Variants in SLC35F5 observed in about 807,000 individuals in gnomAD.
The protein encoded by SLC35F5 is HCV NS5A-transactivated protein 3.
In SLC35F5, 54 loss-of-function variants were observed where a neutral mutation model predicts 68.6. The observed-to-expected ratio is 0.79, with a 90% CI of 0.63 to 0.99. SLC35F5 has a LOEUF of 0.99. SLC35F5 is among the 50% of genes least tolerant of loss of function. SLC35F5 has a pLI of 0.00. For synonymous variants in SLC35F5, 211 were observed against 205.2 expected (o/e 1.03, Z -0.24); for missense variants, 567 against 626.9 (o/e 0.90, Z 1.02).
intron 4 of SLC35F5, among the ~76,000 whole-genome samples, chr2:113,748,082 ACTC>A: frequency 6.6e-6 from 1 of 152,288 alleles, no homozygotes; most frequent in East Asian, 1.9e-4. Flanking sequence ...AGAGAGTGAG[ACTC>A]TGTCTCAACA....
chr2:113,734,535 T>C (rs1488463338), intron 9 of SLC35F5, 51 bp downstream of exon 9: 2 of 1,039,600 alleles, frequency 1.9e-6, no homozygotes, highest in Admixed American at 4.4e-5. Context: ...TCAGAAATTG[T>C]AATATTGTAT....
intron 7 of SLC35F5, among the ~76,000 whole-genome samples, chr2:113,739,317 T>C (rs1688202733): frequency 6.6e-6 from 1 of 151,254 alleles, no homozygotes; most frequent in African/African-American, 2.5e-5. Flanking sequence ...TGTTGTGCTA[T>C]TGTTTTTCAA....
intron 13 of SLC35F5, among the ~76,000 whole-genome samples, chr2:113,721,913 T>G (rs1313555815): frequency 6.6e-6 from 1 of 151,012 alleles, no homozygotes; most frequent in Non-Finnish European, 1.5e-5. Flanking sequence ...TAAATATCAG[T>G]AAAGAATTAT....
At chr2:113,754,003 T>C (rs1000282417) in intron 3 of SLC35F5, among the ~76,000 whole-genome samples, 7 of 152,032 alleles carry the variant, frequency 4.6e-5, no homozygotes, top group African/African-American at 9.7e-5. Flanking sequence ...TAAAAACTTA[T>C]ATACTTGGCC....
chr2:113,756,247 A>T, intron 1 of SLC35F5, 123 bp downstream of exon 1: 2 of 1,536,506 alleles, frequency 1.3e-6, no homozygotes, highest in Non-Finnish European at 1.7e-6. Flanking sequence ...CCGCCCCTAG[A>T]GACCTTCACG....
chr2:113,736,023 C>T (rs1269522194), intron 7 of SLC35F5, among the ~76,000 whole-genome samples, 165 bp from the exon 8 acceptor site: 1 of 151,578 alleles, frequency 6.6e-6, no homozygotes, highest in Non-Finnish European at 1.5e-5. Context: ...AAAAGACAAA[C>T]ATTTATAATC....
downstream of SLC35F5, chr2:113,703,883 G>C (rs1223036978): frequency 1.3e-5 from 2 of 152,358 alleles, no homozygotes. Flanking sequence ...TCCGGACTCA[G>C]TGGGTTCTCG....
intron 10 of SLC35F5, 81 bp downstream of exon 10, chr2:113,731,503 T>G (rs946216745): frequency 1.9e-6 from 2 of 1,040,708 alleles, no homozygotes; most frequent in African/African-American, 3.2e-5. Flanking sequence ...CTACCCTTTG[T>G]GCGTTCATCT....
At chr2:113,722,942 T>G (rs1414020523) in intron 13 of SLC35F5, among the ~76,000 whole-genome samples, 162 bp downstream of exon 13, 2 of 152,244 alleles carry the variant, frequency 1.3e-5, no homozygotes, top group African/African-American at 4.8e-5. Flanking sequence ...TATCTATTTC[T>G]TCGGTACTTT....
intron 12 of SLC35F5, among the ~76,000 whole-genome samples, chr2:113,724,573 T>C (rs1410080930): frequency 1.3e-5 from 2 of 152,140 alleles, no homozygotes; most frequent in Non-Finnish European, 2.9e-5. Flanking sequence ...GACAGCACTG[T>C]AGGCAGAGCA....
At position 113,752,161 on chromosome 2, in the gene SLC35F5, G is replaced by A. The variant is rs1344189574; in HGVS notation, c.274-1593C>T. Among the ~76,000 whole-genome samples the A allele has an allele frequency of 1.2e-4, 18 of 148,788 alleles. No individual in the cohort carries two copies. The East Asian group carries it at 2.3e-3, about 19-fold the overall frequency. ...TGGGAGGCGGAGATTGCAGTGAGCC[G>A]AGATAGTGCCATTGCACTCCAGCCT... On this transcript the variant is annotated intron_variant, in intron 3 of 15. Transcript: ENST00000245680.
intron 11 of SLC35F5, among the ~76,000 whole-genome samples, chr2:113,726,193 T>G (rs780220144): frequency 7.9e-5 from 12 of 152,198 alleles, no homozygotes; most frequent in Non-Finnish European, 1.5e-4. Context: ...CTTATACCTC[T>G]TTAAGCCTCA....
intron 15 of SLC35F5, 175 bp downstream of exon 15, chr2:113,717,578 T>C: frequency 2.2e-6 from 1 of 445,282 alleles, no homozygotes; most frequent in South Asian, 4.6e-5. Context: ...ATTAAGAACC[T>C]TGCACAGGGC....
At chr2:113,724,317 A>C (rs555634420) in intron 12 of SLC35F5, among the ~76,000 whole-genome samples, 2 of 152,334 alleles carry the variant, frequency 1.3e-5, no homozygotes, top group South Asian at 4.1e-4. Flanking sequence ...AATTTAGCTA[A>C]AGGCTAAAGC....
intron 4 of SLC35F5, 29 bp from the exon 5 acceptor site, chr2:113,746,368 C>A: frequency 6.3e-7 from 1 of 1,578,550 alleles, no homozygotes; most frequent in South Asian, 1.1e-5. Context: ...ATACAAAATT[C>A]AATGAAACTT....
downstream of SLC35F5, chr2:113,704,225 A>T (rs1395552494): frequency 1.3e-5 from 2 of 152,274 alleles, no homozygotes; most frequent in Non-Finnish European, 2.9e-5. Flanking sequence ...CCCCACCCAC[A>T]TCCTCTGATT....
At chr2:113,720,609 A>T (rs927735447) in intron 13 of SLC35F5, among the ~76,000 whole-genome samples, 1 of 152,224 alleles carries the variant, frequency 6.6e-6, no homozygotes, top group Non-Finnish European at 1.5e-5. Context: ...TTATGAAATT[A>T]CCAATATATT....
In SLC35F5 at chr2:113,735,864, GA is replaced by G; in HGVS notation, c.751-7del. ...GACAAATTTGCCAAAAACCACTAAAGAAAAAGAAAACCAAAGTGAACCCTAA... is the reference window on the plus strand; with the variant it reads ...GACAAATTTGCCAAAAACCACTAAAGAAAAGAAAACCAAAGTGAACCCTAA... On this transcript the variant is annotated splice_polypyrimidine_tract_variant and splice_region_variant and intron_variant, in intron 7 of 15. Coordinates refer to ENST00000245680, the MANE Select transcript of SLC35F5 (RefSeq NM_025181.5). The G allele has an allele frequency of 6.3e-7, 1 of 1,592,992 alleles. No individual in the cohort carries two copies. Among genetic ancestry groups the G allele is most frequent in the Non-Finnish European group, 8.6e-7 (1 of 1,164,924 alleles).
At chr2:113,731,502 G>T in intron 10 of SLC35F5, 82 bp downstream of exon 10, 1 of 1,029,450 alleles carries the variant, frequency 9.7e-7, no homozygotes, top group African/African-American at 1.6e-5. Context: ...CCTACCCTTT[G>T]TGCGTTCATC....
Sources: allele counts gnomAD v4.1 joint callset (sites outside exome capture counted in the v4.1 genomes callset), GRCh38; gene constraint gnomAD v4.1.1; transcripts MANE v1.5; gene names NCBI Gene and HGNC (gene_info 2026-07-23, HGNC 2026-07-21).